VPS52: variants seen among roughly 807,000 people sequenced by gnomAD.
VPS52 encodes vacuolar protein sorting-associated protein 52 homolog.
Under a neutral mutation model 98.7 loss-of-function variants are expected in VPS52, and 56 were observed. That is an observed-to-expected ratio of 0.57 (90% CI 0.46 to 0.71). The LOEUF is 0.71. Among genes scored for constraint, VPS52 ranks in the 30% least tolerant of loss-of-function variants. The pLI, the probability that VPS52 is intolerant of heterozygous loss-of-function variation, is 0.00. For synonymous variants in VPS52, 348 were observed against 346.4 expected, an observed-to-expected ratio of 1.00 and a Z score of -0.05; for missense variants, 742 against 925.9, an observed-to-expected ratio of 0.80 and a Z score of 2.58.
chr6:33,267,662 G>T lies in VPS52; in HGVS notation c.991+20C>A. On this transcript the variant is annotated intron_variant, in intron 10 of 19. Transcript: ENST00000445902. The surrounding 1 kb of genome is among the most constrained non-coding windows in gnomAD (Gnocchi z 4.2). ...CCCACTCTCAAGGCCTGGCATGAGG[G>T]TTCCCCAGTACTAGGATATCTTTCT... is the stretch of plus-strand genomic sequence containing the variant. 2 of 1,612,872 alleles carry T rather than the reference G, an allele frequency of 1.2e-6. No individual in the cohort carries two copies. The highest frequency in any genetic ancestry group is 1.7e-6 in the Non-Finnish European group (2 of 1,179,942).
chr6:33,251,933 A>C lies in VPS52; in HGVS notation c.1833T>G (p.Gly611=), dbSNP rs773286834. 3 of 1,613,022 alleles carry C rather than the reference A, an allele frequency of 1.9e-6. No individual in the cohort carries two copies. The highest frequency in any genetic ancestry group is 2.5e-6 in the Non-Finnish European group (3 of 1,180,010). The change falls in exon 18 of 20, where the codon GGT becomes GGG. Residue 611 remains glycine (G), a synonymous_variant. Transcript: ENST00000445902. ...CAGCCTCCTTCACAAATGCCACTAA[A>C]CCCCCAAAAGGGGGAGACAGCAACT... ...IEELLSPPFG[G]LVAFVKEAEA...
rs1762158133 is a variant in VPS52, at chr6:33,250,967, G to A, written c.2046C>T (p.Ile682=). The A allele has an allele frequency of 1.2e-6, 2 of 1,612,952 alleles. No individual in the cohort carries two copies. Among genetic ancestry groups the A allele is most frequent in the South Asian group, 2.2e-5 (2 of 91,094 alleles). ...CCCGGTGGAAGCGATGATAGAGCTG[G>A]ATCAGCTGGGTCAGCGCTCCCTGGT... ...SIIQGALTQL[I]QLYHRFHRVL... Residue 682 remains isoleucine, a synonymous_variant, in exon 20 of 20, where the codon ATC becomes ATT. Transcript: ENST00000445902.
chr6:33,266,525 G>T (rs1388652532), intron 12 of VPS52, 32 bp downstream of exon 12: 1 of 1,554,060 alleles, frequency 6.4e-7, no homozygotes, highest in Non-Finnish European at 8.7e-7. Flanking sequence ...GGGGACAAAG[G>T]TGTTGAATGG....
intron 17 of VPS52, among the ~76,000 whole-genome samples, chr6:33,262,524 T>C (rs1290703706): frequency 6.6e-6 from 1 of 152,218 alleles, no homozygotes; most frequent in African/African-American, 2.4e-5. Context: ...GCTGGGTATA[T>C]ACCCAAAAGA....
rs993037895 is a variant in VPS52, at chr6:33,264,974, G to A, written c.1282-74C>T. ...TTGTCCTCAGTGACTATGAACAAACGCATTTGTTTCTTTGGGGATGATGCA... is the reference window on the plus strand; with the variant it reads ...TTGTCCTCAGTGACTATGAACAAACACATTTGTTTCTTTGGGGATGATGCA... On this transcript the variant is annotated intron_variant, in intron 12 of 19. Transcript: ENST00000445902. 26 of 1,321,586 alleles carry A rather than the reference G, an allele frequency of 2.0e-5. No homozygotes were observed. In the Admixed American group the frequency reaches 3.4e-4, roughly 17 times the overall value. The allele number at this position is 1,321,586 out of a possible 1,614,324, so 81.9% of individuals were successfully genotyped here. A position where few individuals can be genotyped will look rare whatever the true frequency, so the allele number is the denominator to read the frequency against.
Position 33,268,421 on chromosome 6 carries a change from C to A in VPS52, c.699+78G>T, listed in dbSNP as rs1193370151. On this transcript the variant is annotated intron_variant, in intron 7 of 19. Transcript: ENST00000445902. The surrounding 1 kb of genome is among the most constrained non-coding windows in gnomAD (Gnocchi z 4.0). ...CCCTGGAGACAGGCTACAGTGAGCTCTGCCAAGGAAATCCATAGTGAAGAT... is the reference window on the plus strand; with the variant it reads ...CCCTGGAGACAGGCTACAGTGAGCTATGCCAAGGAAATCCATAGTGAAGAT... 6.6e-7 allele frequency: 1 copy of A among 1,519,774 alleles called. No individual in the cohort carries two copies. The highest frequency in any genetic ancestry group is 1.4e-5 in the African/African-American group (1 of 72,116). The allele number at this position is 1,519,774 out of a possible 1,614,324, so 94.1% of individuals were successfully genotyped here.
intron 1 of VPS52, 35 bp downstream of exon 1, chr6:33,271,550 CG>C: frequency 6.4e-7 from 1 of 1,571,782 alleles, no homozygotes; most frequent in Non-Finnish European, 8.6e-7. Context: ...CTAGGAGCAC[CG>C]GAACTACGGA....
At position 33,269,015 on chromosome 6, in the gene VPS52, T is replaced by A. The variant is rs761079244; in HGVS notation, c.547A>T (p.Thr183Ser). ...DGLVVPSALV[T>S]AILEAPVTEP... ...TAACCCTTCAAACTGGTAACTCACG[T>A]GACCAGAGCAGAAGGCACCACCAGA... Residue 183 changes from threonine to serine, a missense_variant and splice_region_variant, in exon 6 of 20, where the codon ACG becomes TCG. By Grantham distance (58) the Thr-to-Ser change is moderately conservative. Coordinates refer to ENST00000445902, the MANE Select transcript of VPS52 (RefSeq NM_022553.6). The A allele has an allele frequency of 3.7e-6, 6 of 1,611,902 alleles. No individual in the cohort carries two copies. Among genetic ancestry groups the A allele is most frequent in the Non-Finnish European group, 5.1e-6 (6 of 1,179,876 alleles).
chr6:33,268,738 C>T lies in VPS52; in HGVS notation c.549-89G>A. The T allele has an allele frequency of 3.6e-6, 5 of 1,397,598 alleles. No individual in the cohort carries two copies. The highest frequency in any genetic ancestry group is 4.7e-6 in the Non-Finnish European group (5 of 1,055,700). The allele number at this position is 1,397,598 out of a possible 1,614,324, so 86.6% of individuals were successfully genotyped here. On this transcript the variant is annotated intron_variant, in intron 6 of 19. Coordinates refer to ENST00000445902, the MANE Select transcript of VPS52 (RefSeq NM_022553.6). This position sits in a 1 kb window ranked among gnomAD's most constrained non-coding sequence, Gnocchi z 4.0. ...AGACCACACTCCTTACCTCCAGCCC[C>T]TGTCATCTCTACCACCTTGCATTGT...
At chr6:33,264,261 G>C (rs1764005045) in intron 14 of VPS52, 113 bp downstream of exon 14, 1 of 1,566,008 alleles carries the variant, frequency 6.4e-7, no homozygotes, top group Non-Finnish European at 8.7e-7. Context: ...CACCCTCCCA[G>C]AACACCTGCT....
intron 17 of VPS52, among the ~76,000 whole-genome samples, chr6:33,255,171 A>G (rs1762778197): frequency 2.0e-5 from 3 of 152,302 alleles, no homozygotes; most frequent in Middle Eastern, 3.4e-3. Flanking sequence ...TAAGCTTTCT[A>G]TAACGCAAAA....
chr6:33,269,602 T>A (rs1317823658), intron 4 of VPS52, 45 bp from the exon 5 acceptor site: 3 of 1,592,002 alleles, frequency 1.9e-6, no homozygotes, highest in Non-Finnish European at 2.6e-6. Context: ...AGATGGGAGA[T>A]CCTCAGATTT....
rs1185317863 is a variant in VPS52 at position 33,268,413 on chromosome 6, A to C, written c.699+86T>G. 16 of 1,503,878 alleles carry C rather than the reference A, an allele frequency of 1.1e-5. No individual in the cohort carries two copies. Among genetic ancestry groups the C allele is most frequent in the African/African-American group, 1.4e-5 (1 of 71,890 alleles). 93.2% of individuals were successfully genotyped at this position (1,503,878 alleles called of 1,614,324 possible). ...GGTGAAGTCCCTGGAGACAGGCTAC[A>C]GTGAGCTCTGCCAAGGAAATCCATA... On this transcript the variant is annotated intron_variant, in intron 7 of 19. Coordinates refer to ENST00000445902, the MANE Select transcript of VPS52 (RefSeq NM_022553.6). The surrounding 1 kb of genome is among the most constrained non-coding windows in gnomAD (Gnocchi z 4.0).
intron 3 of VPS52, 88 bp downstream of exon 3, chr6:33,269,911 G>T: frequency 6.3e-7 from 1 of 1,599,894 alleles, no homozygotes; most frequent in Non-Finnish European, 8.6e-7. Context: ...TCAGATACCA[G>T]GCTGATACAA....
At position 33,266,722 on chromosome 6, in the gene VPS52, G is replaced by C. The variant is rs1210321321; in HGVS notation, c.1126-10C>G. The C allele has an allele frequency of 1.3e-6, 2 of 1,597,118 alleles. No homozygotes were observed. Among genetic ancestry groups the C allele is most frequent in the Non-Finnish European group, 1.7e-6 (2 of 1,172,154 alleles). On this transcript the variant is annotated splice_polypyrimidine_tract_variant and intron_variant, in intron 11 of 19. Coordinates refer to ENST00000445902, the MANE Select transcript of VPS52 (RefSeq NM_022553.6). The stretch of plus-strand genomic sequence containing the variant: ...GGGCCTCAAATGGATACTGGGAGAG[G>C]AGGAGTAAAGAAGAAAAACAGAAGG...
chr6:33,267,581 C>T lies in VPS52; in HGVS notation c.991+101G>A. On this transcript the variant is annotated intron_variant, in intron 10 of 19. Coordinates refer to ENST00000445902, the MANE Select transcript of VPS52 (RefSeq NM_022553.6). This position sits in a 1 kb window ranked among gnomAD's most constrained non-coding sequence, Gnocchi z 4.2. Reference sequence around the variant, plus strand: ...GCTTTCATCACATTCTAAAAGGTTTCAGTCCCATAGGAAAAGGTAAGGAGC... The same window carrying T: ...GCTTTCATCACATTCTAAAAGGTTTTAGTCCCATAGGAAAAGGTAAGGAGC... The T allele has an allele frequency of 5.0e-6, 7 of 1,408,790 alleles. 1 individual carries two copies. In the South Asian group the frequency reaches 6.2e-5, roughly 13 times the overall value. The allele number at this position is 1,408,790 out of a possible 1,614,324, so 87.3% of individuals were successfully genotyped here.
intron 17 of VPS52, 77 bp downstream of exon 17, chr6:33,263,407 A>ACT (rs1266104935): frequency 3.4e-4 from 476 of 1,418,304 alleles, no homozygotes; most frequent in South Asian, 1.6e-3. Flanking sequence ...ACACACACAC[A>ACT]CACACACAGA....
At chr6:33,255,192 TGATAGCAGAGGAGTGACCA>T (rs1762781939) in intron 17 of VPS52, among the ~76,000 whole-genome samples, 1 of 152,172 alleles carries the variant, frequency 6.6e-6, no homozygotes, top group African/African-American at 2.4e-5. Flanking sequence ...GAGAACACCT[TGATAGCAGAGGAGTGACCA>T]GAGGAAACAG....
chr6:33,269,366 C>T (rs1764720482), intron 5 of VPS52, 124 bp downstream of exon 5: 3 of 1,460,732 alleles, frequency 2.1e-6, no homozygotes, highest in Admixed American at 1.9e-5. Flanking sequence ...AAAAAGGCTC[C>T]TGAAGTCATC....
Sources: allele counts gnomAD v4.1 joint callset (sites outside exome capture counted in the v4.1 genomes callset), GRCh38; gene constraint gnomAD v4.1.1; non-coding constraint Gnocchi (gnomAD v3.1); transcripts MANE v1.5; gene names NCBI Gene and HGNC (gene_info 2026-07-23, HGNC 2026-07-21).